Variants in ELP4 observed in about 807,000 individuals in gnomAD.
The protein encoded by ELP4 is elongator acetyltransferase complex subunit 4.
ELP4 carries 51 observed loss-of-function variants against 48.9 expected under a neutral mutation model. The observed-to-expected ratio is 1.04, with a 90% confidence interval of 0.83 to 1.32. ELP4 has a LOEUF of 1.32. ELP4 is among the 40% of genes most tolerant of loss of function. The pLI, the probability that ELP4 is intolerant of heterozygous loss-of-function variation, is 0.00. For missense variants in ELP4, 519 were observed against 514.6 expected, an observed-to-expected ratio of 1.01 and a Z score of -0.08; for synonymous variants, 210 against 189.2, an observed-to-expected ratio of 1.11 and a Z score of -0.90.
At chr11:31,646,348 A>T (rs969374642) in intron 7 of ELP4, 1 of 151,818 alleles carries the variant, frequency 6.6e-6, no homozygotes, top group African/African-American at 2.4e-5. Context: ...CATTCTTTAT[A>T]TAACACACAT....
chr11:31,720,807 T>C (rs6484533), intron 9 of ELP4, among the ~76,000 whole-genome samples: 46,010 of 152,050 alleles, frequency 0.3, 7,582 homozygotes, highest in African/African-American at 0.44. Flanking sequence ...CACCAGGGCA[T>C]AAGCAGATTC....
chr11:31,585,212 C>T (rs1302893544), intron 3 of ELP4, among the ~76,000 whole-genome samples: 1 of 152,116 alleles, frequency 6.6e-6, no homozygotes, highest in Non-Finnish European at 1.5e-5. Flanking sequence ...TTCACTGTCA[C>T]ATTCAGAAAT....
intron 9 of ELP4, among the ~76,000 whole-genome samples, chr11:31,676,266 T>A (rs1945924117): frequency 6.6e-6 from 1 of 152,220 alleles, no homozygotes; most frequent in Admixed American, 6.5e-5. Flanking sequence ...CCTCAAATAT[T>A]TGTTCATATA....
intron 9 of ELP4, among the ~76,000 whole-genome samples, chr11:31,741,157 GAGATCAAACTGCA>G (rs1947437240): frequency 6.6e-6 from 1 of 152,156 alleles, no homozygotes; most frequent in Non-Finnish European, 1.5e-5. Context: ...ACAGCAGTCC[GAGATCAAACTGCA>G]AGGTGGCAGC....
intron 9 of ELP4, among the ~76,000 whole-genome samples, chr11:31,697,240 G>A (rs895672334): frequency 6.6e-6 from 1 of 152,128 alleles, no homozygotes; most frequent in Non-Finnish European, 1.5e-5. Context: ...CTGACTTCCT[G>A]TGTGACTTTA....
chr11:31,703,499 G>A (rs1946569406), intron 9 of ELP4, among the ~76,000 whole-genome samples: 1 of 152,100 alleles, frequency 6.6e-6, no homozygotes, highest in South Asian at 2.1e-4. Flanking sequence ...ATTTATGAGA[G>A]AATTTGAAGC....
At chr11:31,577,793 C>A (rs1169211427) in intron 3 of ELP4, among the ~76,000 whole-genome samples, 1 of 152,234 alleles carries the variant, frequency 6.6e-6, no homozygotes, top group African/African-American at 2.4e-5. Flanking sequence ...TGGGACGTAT[C>A]TCAAAATAAT....
intron 1 of ELP4, among the ~76,000 whole-genome samples, chr11:31,516,012 G>A (rs950308314): frequency 6.6e-6 from 1 of 152,124 alleles, no homozygotes; most frequent in African/African-American, 2.4e-5. Flanking sequence ...TTGGGAGGCA[G>A]AGGCAGGAGA....
intron 9 of ELP4, among the ~76,000 whole-genome samples, chr11:31,679,904 A>G (rs1279846592): frequency 6.6e-6 from 1 of 152,190 alleles, no homozygotes; most frequent in Non-Finnish European, 1.5e-5. Flanking sequence ...TGTGTCTTTC[A>G]TTCCTAGGGC....
At position 31,688,331 on chromosome 11, in the gene ELP4, A is replaced by C. The variant is rs545874254; in HGVS notation, c.1143+38110A>C. ...ACCTCCATCCTCACCCCTGGGAGATACATGCCTGCTTACCAGGACCAATTT... is the reference window on the plus strand; with the variant it reads ...ACCTCCATCCTCACCCCTGGGAGATCCATGCCTGCTTACCAGGACCAATTT... On this transcript the variant is annotated intron_variant, in intron 9 of 9. Transcript: ENST00000640961. 2.0e-5 allele frequency among the ~76,000 whole-genome samples: 3 copies of C among 152,322 alleles called. No homozygotes were observed. In the South Asian group the frequency reaches 6.2e-4, roughly 32 times the overall value.
In ELP4 at chr11:31,787,112, A is replaced by G. The variant is rs906435505; in HGVS notation, c.*3588A>G. ...CACAGAGCCTGCCATGCTGTCCCCAAGAGAGTGCCTGGAGCTCTGTTTGGA... is the reference window on the plus strand; with the variant it reads ...CACAGAGCCTGCCATGCTGTCCCCAGGAGAGTGCCTGGAGCTCTGTTTGGA... On this transcript the variant is annotated 3_prime_UTR_variant, in exon 10 of 10. Coordinates refer to ENST00000640961, the MANE Select transcript of ELP4 (RefSeq NM_019040.5). The G allele has an allele frequency of 8.6e-6, 2 of 232,156 alleles. No homozygotes were observed. The highest frequency in any genetic ancestry group is 3.6e-4 in the South Asian group (2 of 5,522). 14.4% of individuals were successfully genotyped at this position (232,156 alleles called of 1,614,324 possible). A position where few individuals can be genotyped will look rare whatever the true frequency, so the allele number is the denominator to read the frequency against.
intron 9 of ELP4, among the ~76,000 whole-genome samples, chr11:31,728,548 T>C (rs1947123551): frequency 6.6e-6 from 1 of 152,178 alleles, no homozygotes; most frequent in African/African-American, 2.4e-5. Context: ...TCTTAGGCTT[T>C]CCTGCCTGTA....
intron 3 of ELP4, among the ~76,000 whole-genome samples, chr11:31,547,954 T>G (rs1269818434): frequency 6.6e-6 from 1 of 152,150 alleles, no homozygotes; most frequent in Non-Finnish European, 1.5e-5. Flanking sequence ...TGCTAAAAAC[T>G]CTCAATAAAT....
chr11:31,571,969 A>T (rs577815926), intron 3 of ELP4, among the ~76,000 whole-genome samples: 5 of 152,198 alleles, frequency 3.3e-5, no homozygotes, highest in Admixed American at 6.5e-5. Flanking sequence ...TTGGAATGAT[A>T]AGTGAGTATT....
chr11:31,615,426 A>G (rs1958058811), intron 5 of ELP4, among the ~76,000 whole-genome samples: 1 of 152,112 alleles, frequency 6.6e-6, no homozygotes, highest in Non-Finnish European at 1.5e-5. Context: ...AGTAGCTGGC[A>G]TAGTAAAGGG....
At chr11:31,665,725 G>A (rs545016899) in intron 9 of ELP4, among the ~76,000 whole-genome samples, 2 of 140,940 alleles carry the variant, frequency 1.4e-5, no homozygotes, top group Admixed American at 7.5e-5. Context: ...TGCAATCATG[G>A]CTCACTGTAG....
At chr11:31,643,110 C>T (rs2134062836) in intron 7 of ELP4, among the ~76,000 whole-genome samples, 1 of 151,790 alleles carries the variant, frequency 6.6e-6, no homozygotes, top group African/African-American at 2.4e-5. Flanking sequence ...CTTGTGGGTA[C>T]TCCCCTCCCC....
At chr11:31,714,900 C>T in intron 9 of ELP4, 1 of 397,730 alleles carries the variant, frequency 2.5e-6, no homozygotes, top group Non-Finnish European at 4.4e-6. Context: ...ATTTTAAGGT[C>T]GACCAATCAG....
At chr11:31,744,679 A>G (rs979818702) in intron 9 of ELP4, among the ~76,000 whole-genome samples, 61 of 152,376 alleles carry the variant, frequency 4.0e-4, no homozygotes, top group African/African-American at 1.4e-3. Flanking sequence ...GCCTTTGACA[A>G]AATTCAACAA....
Sources: gnomAD v4.1 joint callset for allele counts (sites outside exome capture counted in the v4.1 genomes callset) on GRCh38, gnomAD v4.1.1 for gene constraint, MANE v1.5 for transcripts, NCBI Gene and HGNC (gene_info 2026-07-23, HGNC 2026-07-21) for gene names.